The following CLSTN2 variants were observed in gnomAD, a reference collection of about 807,000 sequenced individuals.
CLSTN2 encodes calsyntenin 2, also known as calsyntenin-2.
Under a neutral mutation model 101.2 loss-of-function variants are expected in CLSTN2, and 48 were observed. That is an observed-to-expected ratio of 0.47 (90% confidence interval 0.38 to 0.60). The LOEUF (loss-of-function observed/expected upper bound fraction) is 0.60, where lower values mean the gene tolerates loss of function less well. Among genes scored for constraint, CLSTN2 ranks in the 20% least tolerant of loss-of-function variants. CLSTN2 has a pLI of 0.00. For synonymous variants in CLSTN2, 481 were observed against 463.6 expected (o/e 1.04, Z -0.48); for missense variants, 1,160 against 1,238.2 (o/e 0.94, Z 0.95).
chr3:139,938,572 A>T (rs1480729223), intron 1 of CLSTN2, among the ~76,000 whole-genome samples: 1 of 152,234 alleles, frequency 6.6e-6, no homozygotes, highest in African/African-American at 2.4e-5. Context: ...CTTGGATTCC[A>T]TGAAGAGACC....
rs2088273265 is a variant in CLSTN2 at position 140,403,901 on chromosome 3, G to T, written c.428+77G>T. 2.5e-6 allele frequency: 3 copies of T among 1,215,810 alleles called. No homozygotes were observed. In the East Asian group the frequency reaches 7.1e-5, roughly 29 times the overall value. The allele number at this position is 1,215,810 out of a possible 1,614,324, so 75.3% of individuals were successfully genotyped here. A position where few individuals can be genotyped will look rare whatever the true frequency, so the allele number is the denominator to read the frequency against. ...CACTTCATTCACATGCTGCTCTTCA[G>T]ATATGTTTACCCTCTTGTCACACAA... On this transcript the variant is annotated intron_variant, in intron 3 of 16. Transcript: ENST00000458420.
chr3:139,937,124 T>C (rs531272837), intron 1 of CLSTN2, among the ~76,000 whole-genome samples: 9 of 152,252 alleles, frequency 5.9e-5, no homozygotes, highest in African/African-American at 2.2e-4. Context: ...GGGAGGAGAT[T>C]TCCCATCACT....
chr3:140,249,656 G>T (rs562068850), intron 2 of CLSTN2, among the ~76,000 whole-genome samples: 1 of 152,272 alleles, frequency 6.6e-6, no homozygotes, highest in Admixed American at 6.5e-5. Flanking sequence ...AGGATTGGGG[G>T]ACTGATAGGG....
intron 2 of CLSTN2, among the ~76,000 whole-genome samples, chr3:140,236,758 C>G (rs1322792866): frequency 3.3e-5 from 5 of 151,478 alleles, no homozygotes; most frequent in Admixed American, 1.3e-4. Context: ...TGTTTTTAAT[C>G]TCATCCAATA....
At chr3:140,024,431 TTTTTTG>T (rs962558898) in intron 1 of CLSTN2, among the ~76,000 whole-genome samples, 1 of 152,152 alleles carries the variant, frequency 6.6e-6, no homozygotes, top group African/African-American at 2.4e-5. Context: ...GCATGGCTGT[TTTTTTG>T]TTTTTGTTTT....
At chr3:140,031,318 T>C (rs2007543350) in intron 1 of CLSTN2, among the ~76,000 whole-genome samples, 1 of 152,240 alleles carries the variant, frequency 6.6e-6, no homozygotes, top group Admixed American at 6.5e-5. Context: ...CATGAAATTC[T>C]GAATTAGTGA....
At chr3:140,208,126 G>A (rs905556201) in intron 2 of CLSTN2, among the ~76,000 whole-genome samples, 18 of 152,108 alleles carry the variant, frequency 1.2e-4, no homozygotes, top group African/African-American at 2.2e-4. Flanking sequence ...ATCCATTCAT[G>A]TTTTATCATT....
At chr3:140,209,700 G>A (rs908068339) in intron 2 of CLSTN2, among the ~76,000 whole-genome samples, 10 of 152,006 alleles carry the variant, frequency 6.6e-5, no homozygotes, top group South Asian at 4.1e-4. Flanking sequence ...ACTCAGTGTC[G>A]AAAAGTTACA....
At chr3:140,212,137 G>A (rs1416935611) in intron 2 of CLSTN2, among the ~76,000 whole-genome samples, 1 of 152,202 alleles carries the variant, frequency 6.6e-6, no homozygotes, top group South Asian at 2.1e-4. Context: ...TGATAGTTCA[G>A]TTCCTCGGGA....
intron 1 of CLSTN2, among the ~76,000 whole-genome samples, chr3:140,140,867 G>T (rs2107809009): frequency 6.6e-6 from 1 of 152,264 alleles, no homozygotes; most frequent in East Asian, 1.9e-4. Flanking sequence ...TATATTCCCA[G>T]CCATGTTCCA....
intron 1 of CLSTN2, among the ~76,000 whole-genome samples, chr3:140,014,599 C>T (rs1371475467): frequency 6.6e-6 from 1 of 152,000 alleles, no homozygotes; most frequent in African/African-American, 2.4e-5. Context: ...AGCAAGTGGG[C>T]CAAGGGTGTG....
chr3:140,074,797 T>C (rs940191488), intron 1 of CLSTN2, among the ~76,000 whole-genome samples: 9 of 152,190 alleles, frequency 5.9e-5, no homozygotes, highest in African/African-American at 2.2e-4. Flanking sequence ...ATATCACCTG[T>C]GTTCCCTCAA....
chr3:139,993,902 T>C (rs1162869465), intron 1 of CLSTN2, among the ~76,000 whole-genome samples: 1 of 152,106 alleles, frequency 6.6e-6, no homozygotes, highest in Non-Finnish European at 1.5e-5. Flanking sequence ...ATGAGAGTTG[T>C]GACTGATACA....
At chr3:140,326,039 C>T (rs2087329496) in intron 2 of CLSTN2, among the ~76,000 whole-genome samples, 2 of 152,106 alleles carry the variant, frequency 1.3e-5, no homozygotes, top group South Asian at 4.1e-4. Context: ...TTTTCACACT[C>T]CTACCCCACA....
chr3:140,128,119 A>G (rs1236356535), intron 1 of CLSTN2, among the ~76,000 whole-genome samples: 1 of 152,340 alleles, frequency 6.6e-6, no homozygotes, highest in South Asian at 2.1e-4. Flanking sequence ...GAAAACATGC[A>G]TTTGTATATT....
rs539411767 is a variant in CLSTN2 at position 140,572,881 on chromosome 3, T to A, written c.*6628T>A. The A allele has an allele frequency of 6.6e-6, 1 of 152,484 alleles. No homozygotes were observed. Among genetic ancestry groups the A allele is most frequent in the Non-Finnish European group, 1.5e-5 (1 of 68,176 alleles). 9.4% of individuals were successfully genotyped at this position (152,484 alleles called of 1,614,324 possible). ...CAAAGCAAACCACCCCCAGCCCCCA[T>A]CCTGGGCCTTTTTGGCTCCAGTTTA... On this transcript the variant is annotated 3_prime_UTR_variant, in exon 17 of 17. Transcript: ENST00000458420.
intron 1 of CLSTN2, among the ~76,000 whole-genome samples, chr3:140,129,764 T>C (rs1177214699): frequency 6.6e-6 from 1 of 152,170 alleles, no homozygotes; most frequent in East Asian, 1.9e-4. Flanking sequence ...CAGCTGGGCC[T>C]GGTGTGTTGA....
chr3:140,376,092 G>T (rs1398798881), intron 2 of CLSTN2, among the ~76,000 whole-genome samples: 1 of 152,136 alleles, frequency 6.6e-6, no homozygotes, highest in Non-Finnish European at 1.5e-5. Context: ...TCTGCTCCAT[G>T]TGCTCTCTCC....
intron 2 of CLSTN2, among the ~76,000 whole-genome samples, chr3:140,384,565 G>A (rs1421442468): frequency 6.7e-6 from 1 of 149,748 alleles, no homozygotes; most frequent in Non-Finnish European, 1.5e-5. Flanking sequence ...GTCGCCTGGT[G>A]CATGTTTAAG....
Sources: allele counts gnomAD v4.1 joint callset (sites outside exome capture counted in the v4.1 genomes callset), GRCh38; gene constraint gnomAD v4.1.1; transcripts MANE v1.5; gene names NCBI Gene and HGNC (gene_info 2026-07-23, HGNC 2026-07-21).